Variants in AKAP7 observed in about 807,000 individuals in gnomAD.
AKAP7 encodes A kinase (PRKA) anchor protein 7.
In AKAP7, 39 loss-of-function variants were observed where a neutral mutation model predicts 39.5. The ratio of observed to expected loss-of-function variants is 0.99; its 90% CI spans 0.76 to 1.29. AKAP7 has a LOEUF of 1.29. Ranked by LOEUF, AKAP7 falls within the 50% of genes most tolerant of loss-of-function variation. The pLI is 0.00. For synonymous variants in AKAP7, 140 were observed against 139.1 expected, an observed-to-expected ratio of 1.01 and a Z score of -0.05; for missense variants, 414 against 407.7, an observed-to-expected ratio of 1.02 and a Z score of -0.13.
chr6:131,150,248 C>T (rs905879938), intron 2 of AKAP7, among the ~76,000 whole-genome samples: 5 of 152,100 alleles, frequency 3.3e-5, no homozygotes, highest in African/African-American at 1.2e-4. Context: ...CAGAATTCTA[C>T]TCTGTAATAA....
At chr6:131,176,369 T>G (rs567213679) in intron 5 of AKAP7, among the ~76,000 whole-genome samples, 1 of 152,250 alleles carries the variant, frequency 6.6e-6, no homozygotes, top group South Asian at 2.1e-4. Context: ...ATTGAAAATT[T>G]TGCATTTATA....
chr6:131,251,581 C>T (rs1420935063), intron 7 of AKAP7, among the ~76,000 whole-genome samples: 1 of 151,008 alleles, frequency 6.6e-6, no homozygotes, highest in Admixed American at 6.6e-5. Flanking sequence ...AAAAAAAATA[C>T]ATATGCTATA....
intron 7 of AKAP7, among the ~76,000 whole-genome samples, chr6:131,239,535 C>G (rs1241806585): frequency 6.6e-6 from 1 of 152,232 alleles, no homozygotes; most frequent in Non-Finnish European, 1.5e-5. Flanking sequence ...CCGTCACTTT[C>G]AGGTACACCA....
Position 131,165,212 on chromosome 6 carries a change from A to G in AKAP7, c.423A>G (p.Val141=), listed in dbSNP as rs767764609. Residue 141 remains valine (V), a synonymous_variant, in exon 4 of 8, where the codon GTA becomes GTG. Coordinates refer to ENST00000431975, the MANE Select transcript of AKAP7 (RefSeq NM_016377.4). ...TGCAATTATTAAATGAAGATGAAGT[A>G]AACATGTGAGTAATGTATCTTTCTT... ...LVMQLLNEDE[V]NIGIDALLEL... The G allele has an allele frequency of 1.2e-6, 2 of 1,604,366 alleles. No homozygotes were observed. The highest frequency in any genetic ancestry group is 2.2e-5 in the South Asian group (2 of 89,044).
chr6:131,141,013 T>C (rs1257263485), intron 1 of AKAP7, among the ~76,000 whole-genome samples: 4 of 152,226 alleles, frequency 2.6e-5, no homozygotes, highest in African/African-American at 9.6e-5. Context: ...AAATTTGAAC[T>C]GTAATATAAA....
At chr6:131,262,205 G>GAACAAATAGCAA (rs1233036134) in intron 7 of AKAP7, among the ~76,000 whole-genome samples, 2 of 152,208 alleles carry the variant, frequency 1.3e-5, no homozygotes, top group African/African-American at 4.8e-5. Context: ...CAACACTGAT[G>GAACAAATAGCAA]AGAGTAATGA....
intron 7 of AKAP7, among the ~76,000 whole-genome samples, chr6:131,268,646 C>T (rs188325120): frequency 9.8e-5 from 15 of 152,290 alleles, no homozygotes; most frequent in Non-Finnish European, 1.5e-4. Flanking sequence ...ATTCTGCCGA[C>T]GTACATCGGT....
chr6:131,234,612 T>C (rs1419495778), intron 7 of AKAP7, among the ~76,000 whole-genome samples: 1 of 152,136 alleles, frequency 6.6e-6, no homozygotes, highest in Non-Finnish European at 1.5e-5. Flanking sequence ...ATCTTTTTTT[T>C]TTTTCACTTT....
intron 5 of AKAP7, among the ~76,000 whole-genome samples, chr6:131,181,456 C>A (rs912731022): frequency 6.6e-6 from 1 of 152,200 alleles, no homozygotes; most frequent in South Asian, 2.1e-4. Flanking sequence ...TCATCTTTCA[C>A]CCATTCTACT....
chr6:131,223,291 A>G (rs1020038815), intron 7 of AKAP7, among the ~76,000 whole-genome samples: 1 of 152,212 alleles, frequency 6.6e-6, no homozygotes, highest in Admixed American at 6.5e-5. Context: ...AAGGTAATTT[A>G]TCTCCAAATC....
At chr6:131,167,081 C>T (rs984658726) in intron 4 of AKAP7, among the ~76,000 whole-genome samples, 3 of 152,090 alleles carry the variant, frequency 2.0e-5, no homozygotes, top group African/African-American at 7.2e-5. Context: ...TACAAATGTC[C>T]TGTCTTAGTT....
In AKAP7 at chr6:131,281,516, A is replaced by C; in HGVS notation, c.851-14A>C. 6.3e-7 allele frequency: 1 copy of C among 1,591,516 alleles called. No individual in the cohort carries two copies. Among genetic ancestry groups the C allele is most frequent in the South Asian group, 1.1e-5 (1 of 87,674 alleles). ...GTGATCTCAGTGACCTCTCTTCTCT[A>C]TTGTGGAATGTAGGTGAAAAGAACG... On this transcript the variant is annotated splice_polypyrimidine_tract_variant and intron_variant, in intron 7 of 7. Coordinates refer to ENST00000431975, the MANE Select transcript of AKAP7 (RefSeq NM_016377.4). This position sits in a 1 kb window ranked among gnomAD's most constrained non-coding sequence, Gnocchi z 4.0.
chr6:131,209,539 C>T (rs1226515129), intron 6 of AKAP7, among the ~76,000 whole-genome samples: 1 of 152,084 alleles, frequency 6.6e-6, no homozygotes, highest in African/African-American at 2.4e-5. Flanking sequence ...CGTGAGCCAC[C>T]ACACCCAGCC....
chr6:131,160,894 A>G (rs1802875727), intron 3 of AKAP7, among the ~76,000 whole-genome samples: 1 of 152,222 alleles, frequency 6.6e-6, no homozygotes, highest in African/African-American at 2.4e-5. Flanking sequence ...AGAGAAAACT[A>G]CTGCATCTCA....
intron 5 of AKAP7, among the ~76,000 whole-genome samples, chr6:131,178,615 A>G (rs1429412351): frequency 6.6e-6 from 1 of 152,108 alleles, no homozygotes; most frequent in East Asian, 1.9e-4. Flanking sequence ...ACTACTGCTA[A>G]TGCTCCGGAA....
chr6:131,259,307 G>A (rs1253636478), intron 7 of AKAP7, among the ~76,000 whole-genome samples: 3 of 152,132 alleles, frequency 2.0e-5, no homozygotes, highest in Non-Finnish European at 4.4e-5. Context: ...ATTGTAGTCA[G>A]ACTTTGTTTA....
intron 4 of AKAP7, among the ~76,000 whole-genome samples, chr6:131,166,349 A>T (rs1048765639): frequency 6.6e-6 from 1 of 151,340 alleles, no homozygotes; most frequent in African/African-American, 2.4e-5. Context: ...AAAGGTTGAG[A>T]GAAGGGAGTA....
At chr6:131,251,250 C>G (rs924869317) in intron 7 of AKAP7, among the ~76,000 whole-genome samples, 12 of 152,328 alleles carry the variant, frequency 7.9e-5, no homozygotes, top group Admixed American at 7.8e-4. Context: ...GACATTTGCA[C>G]TGAATTTTGT....
chr6:131,270,967 A>G (rs114820154), intron 7 of AKAP7, among the ~76,000 whole-genome samples: 3,614 of 152,236 alleles, frequency 0.024, 95 homozygotes, highest in African/African-American at 0.062. Flanking sequence ...TTTTCTCGCT[A>G]CAAGTTCTTT....
Sources: gnomAD v4.1 joint callset for allele counts (sites outside exome capture counted in the v4.1 genomes callset) on GRCh38, gnomAD v4.1.1 for gene constraint, Gnocchi (gnomAD v3.1) non-coding constraint, MANE v1.5 for transcripts, NCBI Gene and HGNC (gene_info 2026-07-23, HGNC 2026-07-21) for gene names.